SERPINB11: variants seen among roughly 807,000 people sequenced by gnomAD.
SERPINB11 encodes the protein serpin B11.
In SERPINB11, 32 loss-of-function variants were observed where a neutral mutation model predicts 36.7. The observed-to-expected ratio is 0.87, with a 90% CI of 0.66 to 1.17. SERPINB11 has a LOEUF of 1.17. Among genes scored for constraint, SERPINB11 ranks in the 50% most tolerant of loss-of-function variants. The pLI is 0.00. For missense variants in SERPINB11, 528 were observed against 458.4 expected (o/e 1.15, Z -1.39); for synonymous variants, 174 against 168.1 (o/e 1.04, Z -0.27).
intron 1 of SERPINB11, among the ~76,000 whole-genome samples, chr18:63,704,964 G>A (rs1382026950): frequency 2.6e-5 from 4 of 152,252 alleles, no homozygotes; most frequent in Non-Finnish European, 5.9e-5. Flanking sequence ...TATGGTGGAA[G>A]CAGAAGAATG....
chr18:63,713,530 G>A (rs1232664261), intron 4 of SERPINB11, among the ~76,000 whole-genome samples: 3 of 152,180 alleles, frequency 2.0e-5, no homozygotes, highest in Non-Finnish European at 4.4e-5. Flanking sequence ...GAAAACATGA[G>A]TTTCTAATGT....
In SERPINB11 at chr18:63,723,409, G is replaced by T. The variant is rs1914879345; in HGVS notation, c.*10G>T. ...GCTTGCCTCTCCCTAATCAGATGGGGTTGAGCAAGGCTCAGAGTTGCAGAT... is the reference window on the plus strand; with the variant it reads ...GCTTGCCTCTCCCTAATCAGATGGGTTTGAGCAAGGCTCAGAGTTGCAGAT... On this transcript the variant is annotated 3_prime_UTR_variant, in exon 8 of 8. Coordinates refer to ENST00000544088, the MANE Select transcript of SERPINB11 (RefSeq NM_001370475.1). The T allele has an allele frequency of 6.3e-7, 1 of 1,584,354 alleles. No homozygotes were observed.
At chr18:63,721,677 G>T (rs559701253) in intron 7 of SERPINB11, among the ~76,000 whole-genome samples, 4 of 152,198 alleles carry the variant, frequency 2.6e-5, no homozygotes, top group African/African-American at 9.6e-5. Context: ...TGTGTGTGTT[G>T]GGTGGTAGGG....
rs765942425 is a variant in SERPINB11 at position 63,707,987 on chromosome 18, G to A, written c.-15-2192G>A. 3.9e-5 allele frequency among the ~76,000 whole-genome samples: 6 copies of A among 152,144 alleles called. No individual in the cohort carries two copies. The East Asian group carries it at 7.7e-4, about 20-fold the overall frequency. ...AGAGCCTTAGTAATGAGATGCTATCGGAACAGAGATGATTAAACTGCTGGA... is the reference window on the plus strand; with the variant it reads ...AGAGCCTTAGTAATGAGATGCTATCAGAACAGAGATGATTAAACTGCTGGA... On this transcript the variant is annotated intron_variant, in intron 1 of 7. Transcript: ENST00000544088.
In SERPINB11 at chr18:63,712,695, T is replaced by A. The variant is rs150282249; in HGVS notation, c.357+2T>A. 487 of 1,612,488 alleles carry A rather than the reference T, an allele frequency of 3.0e-4. 4 individuals are homozygous for A. The African/African-American group carries it at 5.2e-3, about 17-fold the overall frequency. On this transcript the variant is annotated splice_donor_variant, in intron 4 of 7. Coordinates refer to ENST00000544088, the MANE Select transcript of SERPINB11 (RefSeq NM_001370475.1). LOFTEE classifies it high-confidence loss of function. ...ACAAAGACGATGGCATTTCATCAGG[T>A]AAGTCCATTTGGAAGAGTGATCAAC...
intron 1 of SERPINB11, chr18:63,705,725 T>C (rs1266291462): frequency 6.6e-6 from 1 of 152,260 alleles, no homozygotes; most frequent in Non-Finnish European, 1.5e-5. Flanking sequence ...GCTACAATAG[T>C]TATGATATGT....
At chr18:63,716,205 C>G in intron 5 of SERPINB11, 53 bp downstream of exon 5, 2 of 1,147,690 alleles carry the variant, frequency 1.7e-6, no homozygotes, top group Admixed American at 4.3e-5. Context: ...TGATAAGCAA[C>G]CTGAGTCCAC....
At chr18:63,710,384 G>GGAGAAGGTATGGAA in intron 2 of SERPINB11, 23 bp downstream of exon 2, 2 of 1,590,696 alleles carry the variant, frequency 1.3e-6, no homozygotes, top group Non-Finnish European at 1.7e-6. Context: ...TCAGAGGTTT[G>GGAGAAGGTATGGAA]TTCAGAACCC....
chr18:63,720,013 GA>G lies in SERPINB11; in HGVS notation c.480del (p.Val161SerfsTer15). ...INAWVENKTN[G>X]KVANLFGKST... ...ATAATTATCTTATTTTTTATACAAG[GA>G]AAAGTCGCAAATCTCTTTGGAAAGA... On this transcript the variant is annotated frameshift_variant and splice_region_variant, in exon 6 of 8. Transcript: ENST00000544088. LOFTEE classifies it high-confidence loss of function. 6.3e-7 allele frequency: 1 copy of G among 1,593,026 alleles called. No homozygotes were observed. Among genetic ancestry groups the G allele is most frequent in the Non-Finnish European group, 8.5e-7 (1 of 1,172,082 alleles).
In SERPINB11 at chr18:63,714,584, G is replaced by A. The variant is rs1217716236; in HGVS notation, c.358-1451G>A. Among the ~76,000 whole-genome samples the A allele has an allele frequency of 2.0e-5, 3 of 151,942 alleles. No homozygotes were observed. The East Asian group carries it at 5.8e-4, about 29-fold the overall frequency. On this transcript the variant is annotated intron_variant, in intron 4 of 7. Transcript: ENST00000544088. ...CCTAGGAACGCATTCTCTTTCTCAG[G>A]GCTGTTCCTTGCTGAGAAAAAGAAT...
intron 7 of SERPINB11, among the ~76,000 whole-genome samples, chr18:63,721,984 A>G (rs1444370612): frequency 6.6e-6 from 1 of 152,200 alleles, no homozygotes; most frequent in East Asian, 1.9e-4. Context: ...TTCTGGAAGT[A>G]GACTATGGGA....
rs775781254 is a variant in SERPINB11, at chr18:63,720,897, C to T, written c.685C>T (p.Pro229Ser). The change falls in exon 7 of 8, where the codon CCG (proline) becomes TCG (serine). Residue 229 changes from proline (P) to serine (S), a missense_variant. Physicochemically the swap from Pro to Ser is moderately conservative, Grantham distance 74. Transcript: ENST00000544088. ...GTFKLAFVKEPQMQVLELPYV... is the reference protein window; with the variant it reads ...GTFKLAFVKESQMQVLELPYV... ...ATTTAAACTGGCCTTTGTAAAGGAG[C>T]CGCAGATGCAAGTTCTTGAGCTGCC... is the stretch of plus-strand genomic sequence containing the variant. The T allele has an allele frequency of 3.1e-6, 5 of 1,595,150 alleles. No individual in the cohort carries two copies. Among genetic ancestry groups the T allele is most frequent in the Non-Finnish European group, 4.3e-6 (5 of 1,169,946 alleles).
chr18:63,716,039 A>T lies in SERPINB11; in HGVS notation c.362A>T (p.Tyr121Phe), dbSNP rs1434618430. The T allele has an allele frequency of 6.2e-7, 1 of 1,601,258 alleles. No individual in the cohort carries two copies. The highest frequency in any genetic ancestry group is 2.2e-5 in the East Asian group (1 of 44,716). ...CAATTATCATGTCTTTCATAGCAATATTTAAGCTGTTCTGAGAAATGGTAT... is the reference window on the plus strand; with the variant it reads ...CAATTATCATGTCTTTCATAGCAATTTTTAAGCTGTTCTGAGAAATGGTAT... ...GTKTMAFHQQ[Y>F]LSCSEKWYQA... The change falls in exon 5 of 8, where the codon TAT (tyrosine) becomes TTT (phenylalanine). Residue 121 changes from tyrosine to phenylalanine, a missense_variant. Coordinates refer to ENST00000544088, the MANE Select transcript of SERPINB11 (RefSeq NM_001370475.1).
intron 5 of SERPINB11, among the ~76,000 whole-genome samples, chr18:63,717,036 C>T (rs1914686687): frequency 6.6e-6 from 1 of 152,066 alleles, no homozygotes; most frequent in Admixed American, 6.6e-5. Context: ...CCCCTTAAAT[C>T]CTCTTCTGGA....
intron 1 of SERPINB11, among the ~76,000 whole-genome samples, chr18:63,707,440 A>G (rs1179251194): frequency 6.6e-6 from 1 of 152,244 alleles, no homozygotes; most frequent in Non-Finnish European, 1.5e-5. Flanking sequence ...AGTCCTGCCC[A>G]TCTTCAATCC....
chr18:63,720,809 A>G (rs1258147747), intron 6 of SERPINB11, 22 bp from the exon 7 acceptor site: 3 of 1,521,020 alleles, frequency 2.0e-6, no homozygotes, highest in East Asian at 2.5e-5. Flanking sequence ...TAAGTATACT[A>G]TAATCTTTTT....
chr18:63,710,390 A>G (rs2144535019), intron 2 of SERPINB11, 29 bp downstream of exon 2: 1 of 1,572,024 alleles, frequency 6.4e-7, no homozygotes. Flanking sequence ...GTTTGTTCAG[A>G]ACCCAGAAGT....
chr18:63,709,278 T>C (rs949379030), intron 1 of SERPINB11, among the ~76,000 whole-genome samples: 67 of 152,140 alleles, frequency 4.4e-4, no homozygotes, highest in African/African-American at 1.5e-3. Context: ...TCTTATTTCA[T>C]GGAGGGATAC....
At chr18:63,719,936 T>C in intron 5 of SERPINB11, 77 bp from the exon 6 acceptor site, 1 of 1,229,260 alleles carries the variant, frequency 8.1e-7, no homozygotes, top group Non-Finnish European at 1.1e-6. Context: ...GAAATGGCTC[T>C]AAATTTCTCA....
Sources: gnomAD v4.1 joint callset for allele counts (sites outside exome capture counted in the v4.1 genomes callset) on GRCh38, gnomAD v4.1.1 for gene constraint, MANE v1.5 for transcripts, NCBI Gene and HGNC (gene_info 2026-07-23, HGNC 2026-07-21) for gene names.